Variants in SH3PXD2B observed in about 807,000 individuals in gnomAD.
SH3PXD2B encodes SH3 and PX domains 2B.
A neutral mutation model predicts 73.1 loss-of-function variants in SH3PXD2B; 37 were observed. That is an observed-to-expected ratio of 0.51 (90% CI 0.39 to 0.67). SH3PXD2B has a LOEUF of 0.67. Ranked by LOEUF, SH3PXD2B falls within the 30% of genes least tolerant of loss-of-function variation. The probability of loss-of-function intolerance (pLI) is 0.00; values close to 1 mark genes in which losing one functional copy is unlikely to be tolerated. For missense variants in SH3PXD2B, 1,053 were observed against 1,197.8 expected, an observed-to-expected ratio of 0.88 and a Z score of 1.78; for synonymous variants, 457 against 480.5, an observed-to-expected ratio of 0.95 and a Z score of 0.64.
intron 1 of SH3PXD2B, among the ~76,000 whole-genome samples, chr5:172,451,476 C>A (rs988632992): frequency 6.6e-6 from 1 of 152,178 alleles, no homozygotes; most frequent in Non-Finnish European, 1.5e-5. Flanking sequence ...GCCAGGGAAG[C>A]TGCTAAACAT....
At chr5:172,413,851 G>T (rs1310886660) in intron 2 of SH3PXD2B, among the ~76,000 whole-genome samples, 2 of 152,246 alleles carry the variant, frequency 1.3e-5, no homozygotes, top group African/African-American at 4.8e-5. Context: ...AATTCCAGAA[G>T]ATAATGTCTG....
chr5:172,444,149 C>T (rs1759609406), intron 1 of SH3PXD2B, among the ~76,000 whole-genome samples: 1 of 152,198 alleles, frequency 6.6e-6, no homozygotes, highest in Non-Finnish European at 1.5e-5. Flanking sequence ...CCACTCACAC[C>T]TGGCCCATAG....
At position 172,354,015 on chromosome 5, in the gene SH3PXD2B, C is replaced by G. The variant is rs777429532; in HGVS notation, c.668-10G>C. The stretch of plus-strand genomic sequence containing the variant: ...ACTGTGTACTTCTCCTCTGTGGGGA[C>G]AAAAGGAAGCTGGGGTCAGAAGAGG... On this transcript the variant is annotated splice_polypyrimidine_tract_variant and intron_variant, in intron 8 of 12. Coordinates refer to ENST00000311601, the MANE Select transcript of SH3PXD2B (RefSeq NM_001017995.3). 1.9e-6 allele frequency: 3 copies of G among 1,612,580 alleles called. No homozygotes were observed. In the South Asian group the frequency reaches 3.3e-5, roughly 18 times the overall value.
intron 8 of SH3PXD2B, 35 bp downstream of exon 8, chr5:172,358,738 C>T: frequency 6.4e-7 from 1 of 1,569,158 alleles, no homozygotes; most frequent in Non-Finnish European, 8.7e-7. Flanking sequence ...TGCACAGGTC[C>T]TCCCCAGTGA....
downstream of SH3PXD2B, among the ~76,000 whole-genome samples, chr5:172,329,839 C>T (rs1406159810): frequency 6.6e-6 from 1 of 152,074 alleles, no homozygotes; most frequent in East Asian, 1.9e-4. Flanking sequence ...GCCCGGCCAG[C>T]CTCCTGGATC....
chr5:172,393,666 T>C (rs914455232), intron 4 of SH3PXD2B, among the ~76,000 whole-genome samples: 4 of 152,202 alleles, frequency 2.6e-5, no homozygotes, highest in African/African-American at 9.7e-5. Context: ...TTAAAAAACA[T>C]TTCTTGCTAT....
downstream of SH3PXD2B, among the ~76,000 whole-genome samples, chr5:172,329,087 T>A (rs1467070194): frequency 2.5e-5 from 3 of 121,328 alleles, no homozygotes; most frequent in East Asian, 2.3e-4. Context: ...ATATATATTT[T>A]TTTTTTTTTT....
chr5:172,414,949 A>G (rs1482488222), intron 2 of SH3PXD2B, among the ~76,000 whole-genome samples: 1 of 151,964 alleles, frequency 6.6e-6, no homozygotes, highest in Non-Finnish European at 1.5e-5. Flanking sequence ...CTCCTTATTC[A>G]TTGTCAAGAC....
chr5:172,360,523 T>C (rs1757373065), intron 7 of SH3PXD2B, among the ~76,000 whole-genome samples: 2 of 152,172 alleles, frequency 1.3e-5, no homozygotes, highest in African/African-American at 4.8e-5. Context: ...GTTGGTGGTA[T>C]CTTAAAATTT....
chr5:172,416,126 G>C (rs1364035931), intron 2 of SH3PXD2B, among the ~76,000 whole-genome samples: 1 of 152,148 alleles, frequency 6.6e-6, no homozygotes, highest in Non-Finnish European at 1.5e-5. Flanking sequence ...CCAGGAGTTT[G>C]AGACCAGTCG....
At chr5:172,381,579 G>A (rs968184065) in intron 5 of SH3PXD2B, among the ~76,000 whole-genome samples, 8 of 151,922 alleles carry the variant, frequency 5.3e-5, no homozygotes, top group African/African-American at 1.9e-4. Context: ...GCATTTTGGA[G>A]AGCTTCGGAG....
At chr5:172,378,460 C>T (rs1757868250) in intron 5 of SH3PXD2B, among the ~76,000 whole-genome samples, 1 of 152,158 alleles carries the variant, frequency 6.6e-6, no homozygotes, top group Admixed American at 6.5e-5. Flanking sequence ...CCATGATGCT[C>T]CCCAAAGTTA....
intron 3 of SH3PXD2B, among the ~76,000 whole-genome samples, chr5:172,397,168 G>A (rs886590212): frequency 1.3e-5 from 2 of 152,240 alleles, no homozygotes; most frequent in East Asian, 1.9e-4. Flanking sequence ...CTCTGGGAAC[G>A]TCTGTCTTTT....
chr5:172,401,013 G>A (rs1758410317), intron 3 of SH3PXD2B, among the ~76,000 whole-genome samples: 1 of 152,188 alleles, frequency 6.6e-6, no homozygotes, highest in Admixed American at 6.5e-5. Flanking sequence ...CACCACTGCT[G>A]GAATGGCGTT....
At chr5:172,351,186 G>C (rs977455502) in intron 9 of SH3PXD2B, among the ~76,000 whole-genome samples, 2 of 152,208 alleles carry the variant, frequency 1.3e-5, no homozygotes, top group Admixed American at 6.5e-5. Context: ...CCAGAGTGCA[G>C]TGGTTCGATC....
intron 1 of SH3PXD2B, among the ~76,000 whole-genome samples, chr5:172,435,424 ATTTGTTTG>A (rs3057119): frequency 1.3e-5 from 2 of 151,510 alleles, no homozygotes; most frequent in African/African-American, 4.9e-5. Flanking sequence ...ATCTGGAGGT[ATTTGTTTG>A]TTTGTTTGTT....
At chr5:172,437,688 T>C (rs1414649251) in intron 1 of SH3PXD2B, among the ~76,000 whole-genome samples, 3 of 152,188 alleles carry the variant, frequency 2.0e-5, no homozygotes, top group African/African-American at 7.2e-5. Context: ...TTCCCCCAAT[T>C]TTTTCAATTA....
intron 10 of SH3PXD2B, among the ~76,000 whole-genome samples, chr5:172,348,630 C>CTATG (rs1757052533): frequency 3.8e-5 from 3 of 79,976 alleles, no homozygotes; most frequent in African/African-American, 1.9e-4. Context: ...ATCTATGTAT[C>CTATG]TATCTATGTA....
intron 6 of SH3PXD2B, among the ~76,000 whole-genome samples, chr5:172,369,322 T>C (rs1757649939): frequency 1.3e-5 from 2 of 151,984 alleles, no homozygotes; most frequent in African/African-American, 4.8e-5. Context: ...TTATTATTAT[T>C]GGTGGTAGTA....
Sources: allele counts gnomAD v4.1 joint callset (sites outside exome capture counted in the v4.1 genomes callset), GRCh38; gene constraint gnomAD v4.1.1; transcripts MANE v1.5; gene names NCBI Gene and HGNC (gene_info 2026-07-23, HGNC 2026-07-21).